The following OSBPL8 variants were observed in gnomAD, a reference collection of about 807,000 sequenced individuals.
The protein encoded by OSBPL8 is oxysterol-binding protein-related protein 8.
In OSBPL8, 59 loss-of-function variants were observed where a neutral mutation model predicts 125.5. That is an observed-to-expected ratio of 0.47 (90% CI 0.38 to 0.58). OSBPL8 has a LOEUF of 0.58. Ranked by LOEUF, OSBPL8 falls within the 20% of genes least tolerant of loss-of-function variation. OSBPL8 has a pLI of 0.00. For synonymous variants in OSBPL8, 330 were observed against 338.9 expected, an observed-to-expected ratio of 0.97 and a Z score of 0.29; for missense variants, 758 against 1,047.8, an observed-to-expected ratio of 0.72 and a Z score of 3.82.
At chr12:76,448,045 T>C (rs1872925182) in intron 4 of OSBPL8, among the ~76,000 whole-genome samples, 1 of 152,190 alleles carries the variant, frequency 6.6e-6, no homozygotes, top group South Asian at 2.1e-4. Flanking sequence ...TGTTAAGCAA[T>C]TATCATCAGT....
chr12:76,398,102 G>A (rs1023002804), intron 7 of OSBPL8, among the ~76,000 whole-genome samples: 1 of 152,128 alleles, frequency 6.6e-6, no homozygotes, highest in African/African-American at 2.4e-5. Flanking sequence ...ATTTTAGTGG[G>A]AGACAGGCCA....
chr12:76,407,530 G>C (rs949066396), intron 5 of OSBPL8, among the ~76,000 whole-genome samples: 1 of 152,182 alleles, frequency 6.6e-6, no homozygotes, highest in African/African-American at 2.4e-5. Flanking sequence ...TTATAGGCAT[G>C]AAACATTGCA....
chr12:76,553,763 G>A (rs1020891535), intron 1 of OSBPL8, among the ~76,000 whole-genome samples: 11 of 151,300 alleles, frequency 7.3e-5, no homozygotes, highest in Non-Finnish European at 1.0e-4. Context: ...ATCACTTTAC[G>A]TCAGGAGTTC....
At chr12:76,530,543 A>AACT (rs1170557681) in intron 1 of OSBPL8, among the ~76,000 whole-genome samples, 1 of 152,064 alleles carries the variant, frequency 6.6e-6, no homozygotes, top group African/African-American at 2.4e-5. Context: ...TCTTTTTACC[A>AACT]ACTACTTTTT....
At chr12:76,421,176 G>A (rs1026070415) in intron 4 of OSBPL8, among the ~76,000 whole-genome samples, 1 of 151,842 alleles carries the variant, frequency 6.6e-6, no homozygotes, top group Non-Finnish European at 1.5e-5. Flanking sequence ...CCTAAAAAAT[G>A]CAAACAAAGA....
chr12:76,392,640 T>C lies in OSBPL8; in HGVS notation c.870A>G (p.Thr290=), dbSNP rs1202475066. ...EHDLSVSSDS[T]HVTFYGLLRA... ...GTAGTAAGCCATAGAAAGTCACATG[T>C]GTGCTATCTGATGAAACGCTCAGGT... is the stretch of plus-strand genomic sequence containing the variant. Residue 290 remains threonine (T), a synonymous_variant, in exon 10 of 24, where the codon ACA becomes ACG. Transcript: ENST00000261183. 1.9e-6 allele frequency: 3 copies of C among 1,614,096 alleles called. No individual in the cohort carries two copies. Among genetic ancestry groups the C allele is most frequent in the East Asian group, 2.2e-5 (1 of 44,866 alleles).
At chr12:76,541,869 A>G (rs975814355) in intron 1 of OSBPL8, among the ~76,000 whole-genome samples, 7 of 151,778 alleles carry the variant, frequency 4.6e-5, no homozygotes, top group African/African-American at 1.7e-4. Context: ...AAATAAAAAT[A>G]AATAAAAATA....
chr12:76,397,930 G>C, intron 7 of OSBPL8, 33 bp from the exon 8 acceptor site: 1 of 1,594,412 alleles, frequency 6.3e-7, no homozygotes, highest in Non-Finnish European at 8.6e-7. Flanking sequence ...TAAAAAGGAA[G>C]ATCTGTTCTC....
intron 3 of OSBPL8, among the ~76,000 whole-genome samples, chr12:76,452,529 T>C (rs1290020924): frequency 6.6e-6 from 1 of 152,198 alleles, no homozygotes; most frequent in Non-Finnish European, 1.5e-5. Context: ...ACTCAGTTCA[T>C]GCCATCACTA....
intron 1 of OSBPL8, among the ~76,000 whole-genome samples, chr12:76,499,503 T>C (rs539855624): frequency 2.0e-4 from 30 of 152,202 alleles, no homozygotes; most frequent in African/African-American, 7.0e-4. Context: ...CCCAAAGAGC[T>C]GGGATTACAG....
At position 76,390,543 on chromosome 12, in the gene OSBPL8, C is replaced by T. The variant is rs770238269; in HGVS notation, c.1044G>A (p.Gly348=). The change falls in exon 11 of 24, where the codon GGG becomes GGA. Residue 348 remains glycine, a synonymous_variant. Transcript: ENST00000261183. ...EHDESDNEVM[G]KSEESDTDTS... ...TATCTGTGTCACTTTCTTCACTTTTCCCCATCACCTCATTATCAGACTCAT... is the reference window on the plus strand; with the variant it reads ...TATCTGTGTCACTTTCTTCACTTTTTCCCATCACCTCATTATCAGACTCAT... 6.2e-6 allele frequency: 10 copies of T among 1,613,680 alleles called. No individual in the cohort carries two copies. In the East Asian group the frequency reaches 2.0e-4, roughly 32 times the overall value.
chr12:76,502,481 C>T (rs897225672), intron 1 of OSBPL8, among the ~76,000 whole-genome samples: 1 of 152,100 alleles, frequency 6.6e-6, no homozygotes, highest in African/African-American at 2.4e-5. Flanking sequence ...CTGAGGTGAG[C>T]GATCCTAATT....
chr12:76,442,111 G>A (rs1430304460), intron 4 of OSBPL8, among the ~76,000 whole-genome samples: 4 of 152,004 alleles, frequency 2.6e-5, no homozygotes, highest in African/African-American at 9.7e-5. Flanking sequence ...AAATTCTTTG[G>A]TGTTCTTAAT....
chr12:76,525,970 G>C lies in OSBPL8; in HGVS notation c.-68+33427C>G, dbSNP rs993486639. Among the ~76,000 whole-genome samples the C allele has an allele frequency of 3.1e-4, 47 of 152,202 alleles. 4 individuals carry two copies. The highest frequency in any genetic ancestry group is 4.4e-5 in the Non-Finnish European group (3 of 68,042). ...GGAGAGTTACTACAAGGGAGCACAG[G>C]AGAGCCTACTGGGGTGCTGGAAATA... On this transcript the variant is annotated intron_variant, in intron 1 of 23. Transcript: ENST00000261183.
intron 7 of OSBPL8, among the ~76,000 whole-genome samples, chr12:76,398,927 C>T (rs1321913162): frequency 6.6e-6 from 1 of 152,062 alleles, no homozygotes; most frequent in African/African-American, 2.4e-5. Context: ...ACATGGAGGA[C>T]AAATTATCAG....
intron 18 of OSBPL8, among the ~76,000 whole-genome samples, chr12:76,372,962 T>G (rs1216763167): frequency 2.0e-5 from 3 of 152,134 alleles, no homozygotes; most frequent in Non-Finnish European, 4.4e-5. Context: ...TTATGTGAAC[T>G]CTCTGTGCCT....
chr12:76,450,524 C>T (rs1454291640), intron 4 of OSBPL8, among the ~76,000 whole-genome samples: 1 of 151,828 alleles, frequency 6.6e-6, no homozygotes, highest in Non-Finnish European at 1.5e-5. Flanking sequence ...ATATAACTCA[C>T]ATAAACAAAA....
chr12:76,372,171 T>TTC (rs368407882), intron 18 of OSBPL8, among the ~76,000 whole-genome samples: 11 of 151,482 alleles, frequency 7.3e-5, no homozygotes, highest in African/African-American at 1.7e-4. Context: ...ATCCTTCTCC[T>TTC]TCTCTCTCTC....
intron 2 of OSBPL8, among the ~76,000 whole-genome samples, chr12:76,465,879 G>A (rs938253878): frequency 2.6e-5 from 4 of 151,910 alleles, no homozygotes; most frequent in African/African-American, 7.3e-5. Context: ...GGTGGTACAC[G>A]CCTGTAATCC....
Sources: gnomAD v4.1 joint callset for allele counts (sites outside exome capture counted in the v4.1 genomes callset) on GRCh38, gnomAD v4.1.1 for gene constraint, MANE v1.5 for transcripts, NCBI Gene and HGNC (gene_info 2026-07-23, HGNC 2026-07-21) for gene names.